DST: variants seen among roughly 807,000 people sequenced by gnomAD.
DST encodes dystonin.
Under a neutral mutation model 875.2 loss-of-function variants are expected in DST, and 253 were observed. That is an observed-to-expected ratio of 0.29 (90% CI 0.26 to 0.32). The LOEUF (loss-of-function observed/expected upper bound fraction) is 0.32. Among genes scored for constraint, DST ranks in the 10% least tolerant of loss-of-function variants. The pLI is 1.00. For synonymous variants in DST, 3,124 were observed against 3,197.1 expected (o/e 0.98, Z 0.77); for missense variants, 8,287 against 9,111.6 (o/e 0.91, Z 3.68).
At chr6:56,617,947 C>T (rs767734379) in intron 36 of DST, 7 of 1,548,374 alleles carry the variant, frequency 4.5e-6, no homozygotes, top group South Asian at 2.2e-5. Context: ...GGAAACTTGA[C>T]ATTAGGTAGC....
Position 56,498,013 on chromosome 6 carries a change from T to G in DST, c.19937A>C (p.Glu6646Ala), listed in dbSNP as rs1373608124. Residue 6646 changes from glutamate (E) to alanine (A), a missense_variant, in exon 81 of 104, where the codon GAA becomes GCA. Physicochemically the swap from Glu to Ala is moderately radical, Grantham distance 107. Transcript: ENST00000680361. ...ATCATTTCCTGCTTTATTAACGGCTTCCACTGTGGACTGATGGGCTAATAC... is the reference window on the plus strand; with the variant it reads ...ATCATTTCCTGCTTTATTAACGGCTGCCACTGTGGACTGATGGGCTAATAC... Reference protein sequence around the residue: ...NDVLAHQSTVEAVNKAGNDLI... With the variant: ...NDVLAHQSTVAAVNKAGNDLI... 6.2e-7 allele frequency: 1 copy of G among 1,613,344 alleles called. No individual in the cohort carries two copies. Among genetic ancestry groups the G allele is most frequent in the African/African-American group, 1.3e-5 (1 of 74,896 alleles).
Position 56,688,261 on chromosome 6 carries a change from C to T in DST, c.1047+11392G>A, listed in dbSNP as rs907748988. 2.0e-5 allele frequency among the ~76,000 whole-genome samples: 3 copies of T among 152,164 alleles called. No homozygotes were observed. In the East Asian group the frequency reaches 5.8e-4, roughly 29 times the overall value. On this transcript the variant is annotated intron_variant, in intron 9 of 103. Coordinates refer to ENST00000680361, the MANE Select transcript of DST (RefSeq NM_001374736.1). The stretch of plus-strand genomic sequence containing the variant: ...AGTCAATTATAGAATGAATGACCTT[C>T]GTCTTCAAGATCTGTGGAGCAAGGC...
At position 56,608,959 on chromosome 6, in the gene DST, T is replaced by C; in HGVS notation, c.5669A>G (p.Gln1890Arg). Residue 1890 changes from glutamine to arginine, a missense_variant, in exon 40 of 104, where the codon CAG becomes CGG. Around this residue, in one of 10 missense-constraint regions of DST, gnomAD observed 3,138 missense variants for 3,116.6 expected, o/e 1.01. Transcript: ENST00000680361. ...TTGGAAAGCCTTCTGTAGGGTCAAC[T>C]GTTCTCCTGTGGCTGGAATAACCAG... ...GSLVIPATGE[Q>R]LTLQKAFQQN... 1 of 1,613,894 alleles carries C rather than the reference T, an allele frequency of 6.2e-7. No individual in the cohort carries two copies. The highest frequency in any genetic ancestry group is 8.5e-7 in the Non-Finnish European group (1 of 1,179,820).
chr6:56,746,620 T>G, intron 4 of DST, among the ~76,000 whole-genome samples: 1 of 152,164 alleles, frequency 6.6e-6, no homozygotes, highest in Non-Finnish European at 1.5e-5. Context: ...AGCAGTTTCA[T>G]CAGTAGAAGA....
intron 4 of DST, among the ~76,000 whole-genome samples, chr6:56,756,904 G>A (rs1327702872): frequency 1.3e-5 from 2 of 152,124 alleles, no homozygotes; most frequent in South Asian, 2.1e-4. Flanking sequence ...GTTTTATACA[G>A]AGAACAACAA....
At chr6:56,582,692 C>A (rs1585555043) in intron 49 of DST, among the ~76,000 whole-genome samples, 1 of 151,830 alleles carries the variant, frequency 6.6e-6, no homozygotes, top group Non-Finnish European at 1.5e-5. Flanking sequence ...TGTGCTGCAC[C>A]CATTAACTCG....
rs779776821 is a variant in DST, at chr6:56,611,501, A to G, written c.5147+7T>C. 1 of 1,599,172 alleles carries G rather than the reference A, an allele frequency of 6.3e-7. No individual in the cohort carries two copies. The highest frequency in any genetic ancestry group is 1.1e-5 in the South Asian group (1 of 90,302). The stretch of plus-strand genomic sequence containing the variant: ...TAAAATAAAAGAGCTAACTACAACC[A>G]ACATACTTGTCTCCATGTTTTGCCA... On this transcript the variant is annotated splice_region_variant and intron_variant, in intron 38 of 103. Coordinates refer to ENST00000680361, the MANE Select transcript of DST (RefSeq NM_001374736.1).
chr6:56,634,314 C>T (rs1185605605), intron 26 of DST, 56 bp from the exon 27 acceptor site: 7 of 1,611,906 alleles, frequency 4.3e-6, no homozygotes, highest in Non-Finnish European at 5.9e-6. Flanking sequence ...TGAAAACACA[C>T]TGCAATTTTT....
At chr6:56,829,032 T>C (rs1175751316) in intron 4 of DST, among the ~76,000 whole-genome samples, 1 of 152,146 alleles carries the variant, frequency 6.6e-6, no homozygotes, top group Non-Finnish European at 1.5e-5. Flanking sequence ...TTTAAAAATC[T>C]TGGAGAAAGA....
At chr6:56,947,693 T>C (rs1382134028) in intron 2 of DST, among the ~76,000 whole-genome samples, 4 of 152,246 alleles carry the variant, frequency 2.6e-5, no homozygotes, top group Admixed American at 6.5e-5. Flanking sequence ...TCCAGCACTA[T>C]ATTCCTTTAT....
chr6:56,683,228 T>G (rs758445373), intron 9 of DST, among the ~76,000 whole-genome samples: 4 of 152,224 alleles, frequency 2.6e-5, no homozygotes, highest in Non-Finnish European at 5.9e-5. Context: ...TTGTTACCAC[T>G]AGTCTGGAAT....
intron 4 of DST, chr6:56,851,030 C>T (rs1236321254): frequency 4.4e-6 from 1 of 229,670 alleles, no homozygotes; most frequent in African/African-American, 2.2e-5. Flanking sequence ...AAAATAAAGG[C>T]TGCTCACTTC....
chr6:56,604,256 T>C lies in DST; in HGVS notation c.10372A>G (p.Ile3458Val), dbSNP rs766832587. 1 of 1,611,296 alleles carries C rather than the reference T, an allele frequency of 6.2e-7. No individual in the cohort carries two copies. Among genetic ancestry groups the C allele is most frequent in the Non-Finnish European group, 8.5e-7 (1 of 1,178,556 alleles). Residue 3458 changes from isoleucine to valine, a missense_variant, in exon 40 of 104, where the codon ATT becomes GTT. By Grantham distance (29) the Ile-to-Val change is conservative. Coordinates refer to ENST00000680361, the MANE Select transcript of DST (RefSeq NM_001374736.1). ...ILKQDQHSQK[I>V]TGVFELMREL... ...CTCATCAATTCAAATACTCCTGTAA[T>C]TTTTTGGCTATGTTGATCTTGCTTC...
At chr6:56,682,425 C>G (rs2099161349) in intron 9 of DST, among the ~76,000 whole-genome samples, 1 of 151,842 alleles carries the variant, frequency 6.6e-6, no homozygotes, top group African/African-American at 2.4e-5. Context: ...ACATCACTAC[C>G]AACAACCAAA....
intron 22 of DST, among the ~76,000 whole-genome samples, chr6:56,638,281 C>T (rs2098845109): frequency 6.6e-6 from 1 of 152,034 alleles, no homozygotes; most frequent in African/African-American, 2.4e-5. Flanking sequence ...CCCTCCATTA[C>T]TCTCCTTTCC....
chr6:56,809,183 C>A (rs934788759), intron 4 of DST, among the ~76,000 whole-genome samples: 5 of 152,178 alleles, frequency 3.3e-5, no homozygotes, highest in Non-Finnish European at 1.5e-5. Context: ...CTCCCTTAAG[C>A]CTCCAAGATA....
rs1386915864 is a variant in DST at position 56,630,364 on chromosome 6, C to G, written c.4162G>C (p.Val1388Leu). Reference protein sequence around the residue: ...YIDKLKTVNLVLKNTQAAEAL... With the variant: ...YIDKLKTVNLLLKNTQAAEAL... ...TCTGCAGCTTGAGTGTTTTTTAACA[C>G]CAAGTTAACAGTTTTCAACCTTAAA... is the stretch of plus-strand genomic sequence containing the variant. Residue 1388 changes from valine to leucine, a missense_variant, in exon 31 of 104, where the codon GTG (valine) becomes CTG (leucine). Physicochemically the swap from Val to Leu is conservative, Grantham distance 32 (BLOSUM62 1). This residue lies in a region of DST where 3,138 missense variants were observed against 3,116.6 expected (regional missense o/e 1.01). Transcript: ENST00000680361. 6.2e-7 allele frequency: 1 copy of G among 1,612,622 alleles called. No individual in the cohort carries two copies. The highest frequency in any genetic ancestry group is 8.5e-7 in the Non-Finnish European group (1 of 1,179,890).
intron 49 of DST, among the ~76,000 whole-genome samples, chr6:56,580,575 T>A (rs1343896813): frequency 2.7e-5 from 4 of 146,758 alleles, no homozygotes; most frequent in African/African-American, 1.1e-4. Flanking sequence ...AATAAATAAA[T>A]AAATAAAAAT....
intron 3 of DST, among the ~76,000 whole-genome samples, chr6:56,867,578 T>C (rs1025816149): frequency 2.0e-5 from 3 of 152,316 alleles, no homozygotes; most frequent in African/African-American, 4.8e-5. Flanking sequence ...TCCCAGCACT[T>C]TGGGAGGCCA....
Sources: allele counts gnomAD v4.1 joint callset (sites outside exome capture counted in the v4.1 genomes callset), GRCh38; gene constraint gnomAD v4.1.1; regional missense constraint gnomAD v4.1.1; transcripts MANE v1.5; gene names NCBI Gene and HGNC (gene_info 2026-07-23, HGNC 2026-07-21).